Variants in CNTN1 observed in about 807,000 individuals in gnomAD.
CNTN1 encodes the protein contactin-1.
In CNTN1, 38 loss-of-function variants were observed where a neutral mutation model predicts 126.4. The ratio of observed to expected loss-of-function variants is 0.30; its 90% CI spans 0.23 to 0.39. CNTN1 has a LOEUF of 0.39. Ranked by LOEUF, CNTN1 falls within the 10% of genes least tolerant of loss-of-function variation. The pLI is 1.00. For missense variants in CNTN1, 1,009 were observed against 1,248.4 expected, an observed-to-expected ratio of 0.81 and a Z score of 2.89; for synonymous variants, 413 against 422.6, an observed-to-expected ratio of 0.98 and a Z score of 0.28.
chr12:40,845,491 AAAG>A (rs1942464658), intron 1 of CNTN1, among the ~76,000 whole-genome samples: 2 of 152,212 alleles, frequency 1.3e-5, no homozygotes, highest in Admixed American at 6.5e-5. Flanking sequence ...GTACCAAGTA[AAAG>A]AAGAACTATT....
chr12:40,988,913 C>G lies in CNTN1; in HGVS notation c.1964-4207C>G, dbSNP rs557666430. On this transcript the variant is annotated intron_variant, in intron 16 of 23. Coordinates refer to ENST00000551295, the MANE Select transcript of CNTN1 (RefSeq NM_001843.4). ...CTGAGATTAACTGTATTGCCTGACT[C>G]AGAACTGACCCGGTTAAAAATCAGG... Among the ~76,000 whole-genome samples, 25 of 152,264 alleles carry G rather than the reference C, an allele frequency of 1.6e-4. No homozygotes were observed. The South Asian group carries it at 5.2e-3, about 32-fold the overall frequency.
chr12:40,878,241 C>T (rs1943743519), intron 1 of CNTN1, among the ~76,000 whole-genome samples: 1 of 151,442 alleles, frequency 6.6e-6, no homozygotes, highest in East Asian at 1.9e-4. Context: ...AGGTGATCGC[C>T]GGCCTCAGCC....
intron 1 of CNTN1, among the ~76,000 whole-genome samples, chr12:40,711,789 C>T (rs1233996177): frequency 6.6e-6 from 1 of 151,944 alleles, no homozygotes; most frequent in African/African-American, 2.4e-5. Flanking sequence ...AATAGCTCAC[C>T]ATAACCTCAA....
intron 17 of CNTN1, among the ~76,000 whole-genome samples, chr12:41,007,356 G>A (rs571861033): frequency 3.7e-4 from 56 of 152,102 alleles, no homozygotes; most frequent in African/African-American, 1.1e-3. Flanking sequence ...CACCGCGCCC[G>A]GCCAGTTTTG....
intron 1 of CNTN1, among the ~76,000 whole-genome samples, chr12:40,833,136 A>G (rs1015564910): frequency 1.3e-5 from 2 of 151,368 alleles, no homozygotes; most frequent in African/African-American, 4.9e-5. Flanking sequence ...GCTCACGGCA[A>G]CCTCCTGGAG....
intron 12 of CNTN1, among the ~76,000 whole-genome samples, chr12:40,941,559 TG>T (rs1946265039): frequency 1.3e-5 from 2 of 152,158 alleles, no homozygotes; most frequent in South Asian, 2.1e-4. Flanking sequence ...TTTCATTTTA[TG>T]ATTTTATTTT....
intron 1 of CNTN1, among the ~76,000 whole-genome samples, chr12:40,881,493 T>C (rs1258500236): frequency 6.6e-6 from 1 of 151,864 alleles, no homozygotes; most frequent in Non-Finnish European, 1.5e-5. Context: ...TACAGCACTC[T>C]TAATTTTTCG....
intron 17 of CNTN1, among the ~76,000 whole-genome samples, chr12:40,998,692 A>G (rs925256495): frequency 1.3e-5 from 2 of 152,118 alleles, no homozygotes; most frequent in African/African-American, 4.8e-5. Flanking sequence ...TGCTTAAAGT[A>G]TAATAAAAAA....
chr12:41,011,605 CTAAGTGGTGGGTTTT>C (rs1948655074), intron 17 of CNTN1, among the ~76,000 whole-genome samples: 1 of 152,162 alleles, frequency 6.6e-6, no homozygotes, highest in Non-Finnish European at 1.5e-5. Context: ...ACCAGAGGAA[CTAAGTGGTGGGTTTT>C]AGTCACCCTC....
intron 1 of CNTN1, among the ~76,000 whole-genome samples, chr12:40,801,698 G>T (rs1445326468): frequency 6.6e-6 from 1 of 151,766 alleles, no homozygotes; most frequent in African/African-American, 2.4e-5. Context: ...AGGCTAGAGG[G>T]TTGGTTAGGG....
chr12:40,810,212 T>C (rs1941006905), intron 1 of CNTN1, among the ~76,000 whole-genome samples: 2 of 152,310 alleles, frequency 1.3e-5, no homozygotes, highest in Middle Eastern at 3.4e-3. Flanking sequence ...AAGCCCTCTT[T>C]TATATTCTTC....
chr12:40,920,914 T>C (rs1212738576), intron 4 of CNTN1, among the ~76,000 whole-genome samples: 1 of 152,126 alleles, frequency 6.6e-6, no homozygotes, highest in African/African-American at 2.4e-5. Context: ...ATCAGATCCA[T>C]GTGGAGGAAG....
chr12:41,053,322 A>T (rs1949726498), intron 23 of CNTN1, among the ~76,000 whole-genome samples: 1 of 149,392 alleles, frequency 6.7e-6, no homozygotes, highest in Admixed American at 6.7e-5. Context: ...TAAACATATA[A>T]ATACACTGCC....
intron 1 of CNTN1, among the ~76,000 whole-genome samples, chr12:40,859,902 G>T (rs1252921408): frequency 6.6e-6 from 1 of 152,056 alleles, no homozygotes; most frequent in African/African-American, 2.4e-5. Context: ...ATTTAAAACT[G>T]AAGACTGCTT....
intron 1 of CNTN1, among the ~76,000 whole-genome samples, chr12:40,897,697 C>G (rs148841183): frequency 6.6e-6 from 1 of 151,960 alleles, no homozygotes; most frequent in South Asian, 2.1e-4. Context: ...AGCCCAAGAC[C>G]GTGTTGTGGA....
intron 1 of CNTN1, among the ~76,000 whole-genome samples, chr12:40,772,132 TC>T (rs1939362139): frequency 2.0e-5 from 3 of 152,094 alleles, no homozygotes; most frequent in Admixed American, 1.3e-4. Context: ...CATATTTATT[TC>T]TTATCTGCAA....
intron 17 of CNTN1, among the ~76,000 whole-genome samples, chr12:41,009,666 G>A (rs138852661): frequency 6.6e-6 from 1 of 152,310 alleles, no homozygotes; most frequent in East Asian, 1.9e-4. Context: ...TGAATGGGCT[G>A]CTTCAGGTTT....
intron 14 of CNTN1, among the ~76,000 whole-genome samples, chr12:40,954,118 C>T (rs983178285): frequency 2.0e-5 from 3 of 152,032 alleles, no homozygotes; most frequent in Non-Finnish European, 4.4e-5. Flanking sequence ...GACACCGAAG[C>T]AACCAAAGTA....
chr12:41,062,354 C>T (rs1949953666), intron 23 of CNTN1, among the ~76,000 whole-genome samples: 1 of 152,100 alleles, frequency 6.6e-6, no homozygotes, highest in African/African-American at 2.4e-5. Flanking sequence ...TAACAGTAAC[C>T]TCACTGAATT....
Sources: gnomAD v4.1 joint callset for allele counts (sites outside exome capture counted in the v4.1 genomes callset) on GRCh38, gnomAD v4.1.1 for gene constraint, MANE v1.5 for transcripts, NCBI Gene and HGNC (gene_info 2026-07-23, HGNC 2026-07-21) for gene names.